CCDC3: variants seen among roughly 807,000 people sequenced by gnomAD.
CCDC3 encodes the protein coiled-coil domain-containing protein 3.
A neutral mutation model predicts 21.4 loss-of-function variants in CCDC3; 24 were observed. That is an observed-to-expected ratio of 1.12 (90% CI 0.81 to 1.58). The LOEUF is 1.58. Ranked by LOEUF, CCDC3 falls within the 40% of genes most tolerant of loss-of-function variation. The pLI, the probability that CCDC3 is intolerant of heterozygous loss-of-function variation, is 0.00. For synonymous variants in CCDC3, 186 were observed against 166.0 expected (o/e 1.12, Z -0.93); for missense variants, 425 against 360.9 (o/e 1.18, Z -1.44).
At chr10:13,005,862 G>A (rs1355130603), upstream of CCDC3, among the ~76,000 whole-genome samples, 1 of 152,174 alleles carries the variant, frequency 6.6e-6, no homozygotes, top group Non-Finnish European at 1.5e-5. Flanking sequence ...ATTTTTAAAT[G>A]TGGCATATGT....
At position 13,063,899 on chromosome 10, in the gene CCDC3, C is replaced by T. The variant is rs181290617; in HGVS notation, c.-270+9969G>A. ...GGAAAACTCATAACTTACACTCATT[C>T]TTAGTGTGAGTCGTTTTTTTTTGTT... is the stretch of plus-strand genomic sequence containing the variant. On this transcript the variant is annotated intron_variant, in intron 4 of 6. Coordinates refer to the CCDC3 transcript ENST00000378839. Among the ~76,000 whole-genome samples, 4 of 152,066 alleles carry T rather than the reference C, an allele frequency of 2.6e-5. No individual in the cohort carries two copies. In the East Asian group the frequency reaches 7.7e-4, roughly 29 times the overall value.
chr10:12,920,889 A>C (rs1834440643), intron 2 of CCDC3, among the ~76,000 whole-genome samples: 2 of 152,188 alleles, frequency 1.3e-5, no homozygotes, highest in African/African-American at 4.8e-5. Flanking sequence ...TAGACTGACT[A>C]CCTCTAGGAA....
At chr10:12,957,157 C>A (rs888000181) in intron 2 of CCDC3, among the ~76,000 whole-genome samples, 18 of 152,126 alleles carry the variant, frequency 1.2e-4, no homozygotes, top group African/African-American at 4.3e-4. Flanking sequence ...GTTAGCAGGC[C>A]CAGATGGCCT....
At chr10:13,067,157 C>T (rs368269390) in intron 4 of CCDC3, among the ~76,000 whole-genome samples, 8 of 152,324 alleles carry the variant, frequency 5.3e-5, no homozygotes, top group African/African-American at 1.9e-4. Context: ...CAGGCACCTG[C>T]GAGATAGACT....
intron 2 of CCDC3, among the ~76,000 whole-genome samples, chr10:12,958,321 G>C (rs13377045): frequency 0.51 from 77,726 of 151,862 alleles, 22,606 homozygotes; most frequent in Non-Finnish European, 0.65. Context: ...ACTGCAACCT[G>C]ACACCATGAG....
At chr10:12,996,310 G>A (rs766050369) in intron 2 of CCDC3, among the ~76,000 whole-genome samples, 12 of 152,192 alleles carry the variant, frequency 7.9e-5, no homozygotes, top group African/African-American at 1.2e-4. Flanking sequence ...CTAGACTGCT[G>A]TCAGTAGGGC....
chr10:13,062,568 G>T (rs1341664233), intron 4 of CCDC3, among the ~76,000 whole-genome samples: 2 of 152,180 alleles, frequency 1.3e-5, no homozygotes, highest in African/African-American at 4.8e-5. Flanking sequence ...CTTATCTAAA[G>T]AGATAAGCAA....
At chr10:12,928,836 C>T (rs192778774) in intron 2 of CCDC3, among the ~76,000 whole-genome samples, 168 of 152,262 alleles carry the variant, frequency 1.1e-3, no homozygotes, top group African/African-American at 3.6e-3. Context: ...CTCAGGTCTC[C>T]GTCACAGGAT....
intron 3 of CCDC3, among the ~76,000 whole-genome samples, chr10:13,094,073 T>C (rs920869585): frequency 6.6e-6 from 1 of 152,210 alleles, no homozygotes; most frequent in Non-Finnish European, 1.5e-5. Context: ...TAACATTTCA[T>C]CGGTGCTGTG....
intron 2 of CCDC3, among the ~76,000 whole-genome samples, chr10:12,993,318 G>A (rs986425915): frequency 1.3e-5 from 2 of 152,220 alleles, no homozygotes; most frequent in Non-Finnish European, 2.9e-5. Context: ...GTTGTGGGAA[G>A]TTAGGGGATC....
chr10:13,001,478 C>A lies in CCDC3; in HGVS notation c.93G>T (p.Leu31=). ...CCAGCTCGGCGCGGCAGCCCTCGCT[C>A]AGGGGCCTCCACTCGGAGGGCAGCT... ...ACQLPSEWRP[L]SEGCRAELAE... is the part of the protein sequence containing the mutation. Residue 31 remains leucine (L), a synonymous_variant, in exon 1 of 3, where the codon CTG becomes CTT. Coordinates refer to ENST00000378825, the MANE Select transcript of CCDC3 (RefSeq NM_031455.4). The A allele has an allele frequency of 2.2e-6, 3 of 1,392,350 alleles. No individual in the cohort carries two copies. The highest frequency in any genetic ancestry group is 2.5e-4 in the Middle Eastern group (1 of 3,946). The allele number at this position is 1,392,350 out of a possible 1,614,324, so 86.2% of individuals were successfully genotyped here. A position where few individuals can be genotyped will look rare whatever the true frequency, so the allele number is the denominator to read the frequency against.
At chr10:12,941,214 C>T (rs1350972884) in intron 2 of CCDC3, among the ~76,000 whole-genome samples, 1 of 152,192 alleles carries the variant, frequency 6.6e-6, no homozygotes, top group Non-Finnish European at 1.5e-5. Flanking sequence ...CCACCAGTGC[C>T]ATGACAGTTT....
chr10:13,069,628 C>CA (rs1386507160), intron 4 of CCDC3, among the ~76,000 whole-genome samples: 4 of 151,852 alleles, frequency 2.6e-5, no homozygotes, highest in Non-Finnish European at 4.4e-5. Flanking sequence ...CTGGAGTATC[C>CA]AAAAGAGAGG....
At chr10:12,928,371 G>A (rs1834580242) in intron 2 of CCDC3, among the ~76,000 whole-genome samples, 1 of 152,166 alleles carries the variant, frequency 6.6e-6, no homozygotes, top group Non-Finnish European at 1.5e-5. Flanking sequence ...AGCATGAGAT[G>A]ATTTCTTTTT....
intron 2 of CCDC3, among the ~76,000 whole-genome samples, chr10:12,919,641 G>A (rs1285641230): frequency 2.0e-5 from 3 of 150,622 alleles, no homozygotes; most frequent in Non-Finnish European, 3.0e-5. Context: ...ACTCTTTAAA[G>A]GGATTATCGG....
At chr10:12,959,812 ACACT>A (rs1162835588) in intron 2 of CCDC3, among the ~76,000 whole-genome samples, 5 of 152,050 alleles carry the variant, frequency 3.3e-5, no homozygotes, top group African/African-American at 9.7e-5. Context: ...GGCACCCAAA[ACACT>A]CACAAGTGAG....
At chr10:13,071,457 C>T (rs1836881638) in intron 4 of CCDC3, among the ~76,000 whole-genome samples, 1 of 152,224 alleles carries the variant, frequency 6.6e-6, no homozygotes, top group South Asian at 2.1e-4. Context: ...TTAAGCCAAG[C>T]TTCCCATTAC....
intron 2 of CCDC3, among the ~76,000 whole-genome samples, chr10:12,960,670 G>A (rs971754209): frequency 3.3e-5 from 5 of 152,144 alleles, no homozygotes; most frequent in African/African-American, 7.2e-5. Context: ...CGGGAGAGGC[G>A]AGAAATGTGG....
chr10:13,010,941 C>T (rs932157587), intron 5 of CCDC3, among the ~76,000 whole-genome samples: 2 of 152,072 alleles, frequency 1.3e-5, no homozygotes, highest in African/African-American at 2.4e-5. Context: ...CAGCACTTTG[C>T]GAGGCCGAGG....
Sources: allele counts gnomAD v4.1 joint callset (sites outside exome capture counted in the v4.1 genomes callset), GRCh38; gene constraint gnomAD v4.1.1; transcripts MANE v1.5; gene names NCBI Gene and HGNC (gene_info 2026-07-23, HGNC 2026-07-21).